The following BCL7C variants were observed in gnomAD, a reference collection of about 807,000 sequenced individuals.
BCL7C encodes the protein B-cell CLL/lymphoma 7 protein family member C.
A neutral mutation model predicts 26.2 loss-of-function variants in BCL7C; 8 were observed. The observed-to-expected ratio is 0.30, with a 90% confidence interval of 0.18 to 0.55. BCL7C has a LOEUF of 0.55. Among genes scored for constraint, BCL7C ranks in the 20% least tolerant of loss-of-function variants. The probability of loss-of-function intolerance (pLI) is 0.93; values close to 1 mark genes in which losing one functional copy is unlikely to be tolerated. For missense variants in BCL7C, 262 were observed against 298.5 expected, an observed-to-expected ratio of 0.88 and a Z score of 0.90; for synonymous variants, 90 against 116.5, an observed-to-expected ratio of 0.77 and a Z score of 1.47.
intron 5 of BCL7C, among the ~76,000 whole-genome samples, chr16:30,860,881 G>A (rs2054765503): frequency 6.6e-6 from 1 of 151,972 alleles, no homozygotes. Flanking sequence ...GCCAAGCCAA[G>A]TCCCAATTCT....
At chr16:30,888,823 C>G in intron 5 of BCL7C, 37 bp downstream of exon 5, 1 of 1,605,000 alleles carries the variant, frequency 6.2e-7, no homozygotes, top group Non-Finnish European at 8.5e-7. Context: ...CCCATTCCCT[C>G]CAAGACCCAG....
chr16:30,861,498 C>T (rs1185824476), intron 5 of BCL7C, among the ~76,000 whole-genome samples: 2 of 152,216 alleles, frequency 1.3e-5, no homozygotes, highest in African/African-American at 2.4e-5. Flanking sequence ...TAAGCCGTGT[C>T]CCATCTGTGT....
At chr16:30,845,383 C>T (rs187794287) in intron 5 of BCL7C, among the ~76,000 whole-genome samples, 1 of 152,224 alleles carries the variant, frequency 6.6e-6, no homozygotes, top group Non-Finnish European at 1.5e-5. Flanking sequence ...TGCATGCTCT[C>T]GTGCTTGACT....
chr16:30,838,157 G>T (rs887667301), intron 5 of BCL7C, among the ~76,000 whole-genome samples: 1 of 152,222 alleles, frequency 6.6e-6, no homozygotes, highest in African/African-American at 2.4e-5. Flanking sequence ...GCTTTGAAAT[G>T]GATGACAGAG....
chr16:30,893,697 C>T lies in BCL7C; in HGVS notation c.92+156G>A, dbSNP rs2055296269. Among the ~76,000 whole-genome samples, 1 of 152,064 alleles carries T rather than the reference C, an allele frequency of 6.6e-6. No homozygotes were observed. Among genetic ancestry groups the T allele is most frequent in the Non-Finnish European group, 1.5e-5 (1 of 67,972 alleles). ...CGCTTTGTAGACCCCCAGGAGTAGCCAGGCGAACGGGGACAGAGCCCTGTG... is the reference window on the plus strand; with the variant it reads ...CGCTTTGTAGACCCCCAGGAGTAGCTAGGCGAACGGGGACAGAGCCCTGTG... On this transcript the variant is annotated intron_variant, in intron 1 of 5. Coordinates refer to ENST00000215115, the MANE Select transcript of BCL7C (RefSeq NM_004765.4). This position sits in a 1 kb window ranked among gnomAD's most constrained non-coding sequence, Gnocchi z 5.2.
chr16:30,855,645 C>T (rs8048011), intron 5 of BCL7C, among the ~76,000 whole-genome samples: 3,195 of 152,206 alleles, frequency 0.021, 54 homozygotes, highest in Non-Finnish European at 0.033. Context: ...TTGCTACGGA[C>T]GGGGCATGGT....
chr16:30,888,462 G>A (rs1054253845), intron 5 of BCL7C, among the ~76,000 whole-genome samples: 43 of 152,066 alleles, frequency 2.8e-4, no homozygotes, highest in African/African-American at 9.6e-4. Flanking sequence ...TTAGCCTCCC[G>A]AGTAGCTGGG....
At chr16:30,881,456 G>C (rs532445907) in intron 5 of BCL7C, among the ~76,000 whole-genome samples, 2 of 151,106 alleles carry the variant, frequency 1.3e-5, no homozygotes, top group Non-Finnish European at 2.9e-5. Context: ...ACCTAAGTCT[G>C]ATTATGCTTT....
chr16:30,854,450 G>T (rs760059629), intron 5 of BCL7C, among the ~76,000 whole-genome samples: 2 of 152,098 alleles, frequency 1.3e-5, no homozygotes, highest in African/African-American at 4.8e-5. Context: ...ATCACAGAGG[G>T]TTTCAATTTG....
chr16:30,881,636 C>T (rs913212724), intron 5 of BCL7C, among the ~76,000 whole-genome samples: 1 of 152,136 alleles, frequency 6.6e-6, no homozygotes, highest in Non-Finnish European at 1.5e-5. Flanking sequence ...AAGTGCTTGC[C>T]CTGCCTGCGA....
downstream of BCL7C, among the ~76,000 whole-genome samples, chr16:30,887,624 G>A (rs1240377614): frequency 6.6e-6 from 1 of 152,120 alleles, no homozygotes; most frequent in Non-Finnish European, 1.5e-5. Context: ...GACCTGGGAA[G>A]TACTGAGAGG....
chr16:30,861,712 G>A (rs1287000963), intron 5 of BCL7C, among the ~76,000 whole-genome samples: 3 of 152,122 alleles, frequency 2.0e-5, no homozygotes, highest in Non-Finnish European at 4.4e-5. Flanking sequence ...GGGTAACTCC[G>A]TCCCCTTCTT....
intron 5 of BCL7C, among the ~76,000 whole-genome samples, chr16:30,877,312 C>T (rs1387805178): frequency 1.3e-5 from 2 of 152,136 alleles, no homozygotes; most frequent in Non-Finnish European, 2.9e-5. Context: ...CTTGCTCTGT[C>T]GCGCAGGTTG....
At position 30,834,922 on chromosome 16, in the gene BCL7C, G is replaced by T. The variant is rs2054560228; in HGVS notation, c.*26C>A. The T allele has an allele frequency of 6.7e-7, 1 of 1,493,952 alleles. No homozygotes were observed. The highest frequency in any genetic ancestry group is 2.3e-5 in the Admixed American group (1 of 43,170). The allele number at this position is 1,493,952 out of a possible 1,614,324, so 92.5% of individuals were successfully genotyped here. ...TGGGGCAGCCAAGGGAGGCTTTAGG[G>T]GTCTTGGCTTGCTTGGGGAGCCCAC... On this transcript the variant is annotated 3_prime_UTR_variant, in exon 6 of 6. Coordinates refer to the BCL7C transcript ENST00000380317. This position sits in a 1 kb window ranked among gnomAD's most constrained non-coding sequence, Gnocchi z 4.3.
downstream of BCL7C, among the ~76,000 whole-genome samples, chr16:30,882,963 TG>T (rs1209485574): frequency 6.6e-6 from 1 of 152,158 alleles, no homozygotes; most frequent in Admixed American, 6.6e-5. Context: ...GTGGGGAGGA[TG>T]AGGCTGGGGT....
intron 5 of BCL7C, among the ~76,000 whole-genome samples, chr16:30,873,917 T>G (rs1451871575): frequency 2.1e-5 from 2 of 95,972 alleles, no homozygotes; most frequent in Non-Finnish European, 4.1e-5. Flanking sequence ...TAATTTTTCC[T>G]CCTCTCTCTA....
intron 5 of BCL7C, among the ~76,000 whole-genome samples, chr16:30,865,890 A>ATTTT (rs4046092): frequency 1.5e-5 from 2 of 137,088 alleles, no homozygotes; most frequent in Admixed American, 7.3e-5. Context: ...CAGTGCCCTA[A>ATTTT]TTTTTTTTTT....
rs1487408862 is a variant in BCL7C at position 30,893,031 on chromosome 16, G to A, written c.172-83C>T. 4 of 1,385,756 alleles carry A rather than the reference G, an allele frequency of 2.9e-6. No homozygotes were observed. The East Asian group carries it at 9.2e-5, about 32-fold the overall frequency. The allele number at this position is 1,385,756 out of a possible 1,614,324, so 85.8% of individuals were successfully genotyped here. On this transcript the variant is annotated intron_variant, in intron 2 of 5. Transcript: ENST00000215115. This position sits in a 1 kb window ranked among gnomAD's most constrained non-coding sequence, Gnocchi z 5.2. ...AAACTGAGGCACTGAGAAGCAAAAG[G>A]GCTCAAACTCAGGGGGTGTGGAGCA...
At chr16:30,842,294 T>C (rs1357457265) in intron 5 of BCL7C, among the ~76,000 whole-genome samples, 2 of 152,182 alleles carry the variant, frequency 1.3e-5, no homozygotes, top group Non-Finnish European at 2.9e-5. Context: ...ACCTTGGTCT[T>C]GGACTTCCAG....
Sources: allele counts gnomAD v4.1 joint callset (sites outside exome capture counted in the v4.1 genomes callset), GRCh38; gene constraint gnomAD v4.1.1; non-coding constraint Gnocchi (gnomAD v3.1); transcripts MANE v1.5; gene names NCBI Gene and HGNC (gene_info 2026-07-23, HGNC 2026-07-21).